Variants in ATP2B2 observed in about 807,000 individuals in gnomAD.
The protein encoded by ATP2B2 is plasma membrane calcium-transporting ATPase 2.
In ATP2B2, 15 loss-of-function variants were observed where a neutral mutation model predicts 120.0. The ratio of observed to expected loss-of-function variants is 0.12; its 90% CI spans 0.08 to 0.19. The LOEUF is 0.19. Among genes scored for constraint, ATP2B2 ranks in the 10% least tolerant of loss-of-function variants. ATP2B2 has a pLI of 1.00. For missense variants in ATP2B2, 1,045 were observed against 1,719.8 expected, an observed-to-expected ratio of 0.61 and a Z score of 6.94; for synonymous variants, 694 against 700.3, an observed-to-expected ratio of 0.99 and a Z score of 0.14.
intron 2 of ATP2B2, among the ~76,000 whole-genome samples, chr3:10,429,148 T>C (rs2063233753): frequency 6.6e-6 from 1 of 152,096 alleles, no homozygotes; most frequent in South Asian, 2.1e-4. Context: ...ATCCTCCGGG[T>C]CTCCTCTGTC....
intron 1 of ATP2B2, among the ~76,000 whole-genome samples, chr3:10,499,520 A>G (rs2066294306): frequency 1.3e-5 from 2 of 152,260 alleles, no homozygotes; most frequent in Non-Finnish European, 2.9e-5. Context: ...GATTAGTACT[A>G]TTATGATGAA....
At chr3:10,570,685 C>T (rs1166483078) in intron 2 of ATP2B2, among the ~76,000 whole-genome samples, 1 of 152,236 alleles carries the variant, frequency 6.6e-6, no homozygotes, top group East Asian at 1.9e-4. Context: ...ATGGAAACCC[C>T]TCTGGCGTGT....
intron 1 of ATP2B2, among the ~76,000 whole-genome samples, chr3:10,469,601 T>A (rs9310362): frequency 0.015 from 2,251 of 152,288 alleles, 58 homozygotes; most frequent in African/African-American, 0.051. Context: ...GGCTGCAGAC[T>A]TCCAGGAAGA....
chr3:10,536,736 CA>C (rs1339767778), intron 2 of ATP2B2, among the ~76,000 whole-genome samples: 5 of 151,530 alleles, frequency 3.3e-5, no homozygotes, highest in Middle Eastern at 3.4e-3. Flanking sequence ...CTAAGTTGCC[CA>C]GGCTGGTCCT....
intron 2 of ATP2B2, among the ~76,000 whole-genome samples, chr3:10,545,109 C>T (rs2067516520): frequency 6.6e-6 from 1 of 152,190 alleles, no homozygotes. Flanking sequence ...AACAATGTTT[C>T]CCAGTAGAAG....
intron 1 of ATP2B2, among the ~76,000 whole-genome samples, chr3:10,687,269 T>G (rs115730697): frequency 6.6e-6 from 1 of 152,120 alleles, no homozygotes; most frequent in Admixed American, 6.5e-5. Flanking sequence ...TTCCCCAAAG[T>G]GTTGCTGTGA....
intron 2 of ATP2B2, among the ~76,000 whole-genome samples, chr3:10,416,646 C>T (rs191623622): frequency 2.6e-5 from 4 of 152,234 alleles, no homozygotes; most frequent in African/African-American, 9.6e-5. Context: ...CAGTGGTTCT[C>T]TTGGGGGCAA....
intron 1 of ATP2B2, among the ~76,000 whole-genome samples, chr3:10,471,877 G>A (rs1044390597): frequency 5.9e-5 from 9 of 151,892 alleles, no homozygotes; most frequent in South Asian, 4.2e-4. Flanking sequence ...TCAGGAGATC[G>A]AGACCATCCT....
chr3:10,345,878 C>T (rs1038111455), intron 17 of ATP2B2, among the ~76,000 whole-genome samples, 153 bp downstream of exon 17: 2 of 152,186 alleles, frequency 1.3e-5, no homozygotes, highest in East Asian at 1.9e-4. Context: ...AGGAAGACCT[C>T]GGGGTCAGGC....
chr3:10,345,976 G>A (rs1160052689), intron 17 of ATP2B2, 55 bp downstream of exon 17: 85 of 1,526,670 alleles, frequency 5.6e-5, no homozygotes, highest in Non-Finnish European at 7.5e-5. Context: ...CCAAGGTTGT[G>A]TAGTCCAATC....
chr3:10,451,749 A>T (rs2064059850), intron 1 of ATP2B2, among the ~76,000 whole-genome samples: 1 of 152,214 alleles, frequency 6.6e-6, no homozygotes, highest in South Asian at 2.1e-4. Flanking sequence ...TACTCAAAAG[A>T]GGCCATGTTC....
chr3:10,586,094 G>T (rs1048082415), intron 2 of ATP2B2, among the ~76,000 whole-genome samples: 6 of 152,180 alleles, frequency 3.9e-5, no homozygotes, highest in Admixed American at 3.9e-4. Context: ...ATTAGTCAAA[G>T]ATATTTTTAG....
chr3:10,578,372 G>A (rs7430580), intron 2 of ATP2B2, among the ~76,000 whole-genome samples: 31,228 of 149,668 alleles, frequency 0.21, 3,928 homozygotes, highest in Non-Finnish European at 0.27. Flanking sequence ...GTGAAATCCC[G>A]TTTCTACTAA....
At chr3:10,450,719 C>T (rs1263218243) in intron 1 of ATP2B2, among the ~76,000 whole-genome samples, 4 of 152,342 alleles carry the variant, frequency 2.6e-5, no homozygotes, top group Non-Finnish European at 4.4e-5. Context: ...AGCGGCTTCC[C>T]GTCCCTCTCT....
At chr3:10,362,300 G>A (rs977482654) in intron 12 of ATP2B2, among the ~76,000 whole-genome samples, 3 of 152,210 alleles carry the variant, frequency 2.0e-5, no homozygotes, top group African/African-American at 7.2e-5. Flanking sequence ...GCTGTGCAGG[G>A]ACAGGGAGGA....
chr3:10,659,141 T>A (rs1229866074), intron 1 of ATP2B2, among the ~76,000 whole-genome samples: 2 of 152,164 alleles, frequency 1.3e-5, no homozygotes, highest in African/African-American at 4.8e-5. Context: ...TGCAAAAACA[T>A]GCCAAATTGT....
intron 2 of ATP2B2, among the ~76,000 whole-genome samples, chr3:10,599,142 G>A (rs1297124780): frequency 6.6e-6 from 1 of 152,222 alleles, no homozygotes; most frequent in South Asian, 2.1e-4. Context: ...GCTAGCAGAG[G>A]AGACTCAAAC....
At chr3:10,418,815 T>C (rs2062875803) in intron 2 of ATP2B2, among the ~76,000 whole-genome samples, 1 of 152,136 alleles carries the variant, frequency 6.6e-6, no homozygotes, top group South Asian at 2.1e-4. Flanking sequence ...AGAGCTAGTG[T>C]GAAAACAGAT....
rs111950869 is a variant in ATP2B2 at position 10,338,730 on chromosome 3, C to T, written c.3238-372G>A. On this transcript the variant is annotated intron_variant, in intron 21 of 22. Coordinates refer to ENST00000360273, the MANE Select transcript of ATP2B2 (RefSeq NM_001001331.4). ...GGGCAAGTCATTTAACCTCACCGAG[C>T]TTTGGTTTTCCTAGCTGTAAAGTGG... 2.8e-5 allele frequency: 9 copies of T among 321,964 alleles called. No individual in the cohort carries two copies. In the Admixed American group the frequency reaches 4.3e-4, roughly 15 times the overall value. 19.9% of individuals were successfully genotyped at this position (321,964 alleles called of 1,614,324 possible).
Sources: gnomAD v4.1 joint callset for allele counts (sites outside exome capture counted in the v4.1 genomes callset) on GRCh38, gnomAD v4.1.1 for gene constraint, MANE v1.5 for transcripts, NCBI Gene and HGNC (gene_info 2026-07-23, HGNC 2026-07-21) for gene names.